C2CD3: variants seen among roughly 807,000 people sequenced by gnomAD.
The protein encoded by C2CD3 is C2 domain containing 3 centriole elongation regulator.
In C2CD3, 148 loss-of-function variants were observed where a neutral mutation model predicts 234.0. The observed-to-expected ratio is 0.63, with a 90% CI of 0.55 to 0.72. The LOEUF is 0.72. Ranked by LOEUF, C2CD3 falls within the 30% of genes least tolerant of loss-of-function variation. The pLI is 0.00. For synonymous variants in C2CD3, 1,000 were observed against 1,035.4 expected, an observed-to-expected ratio of 0.97 and a Z score of 0.66; for missense variants, 2,577 against 2,811.5, an observed-to-expected ratio of 0.92 and a Z score of 1.89.
At chr11:74,082,830 T>C (rs531739512) in intron 22 of C2CD3, among the ~76,000 whole-genome samples, 1 of 152,244 alleles carries the variant, frequency 6.6e-6, no homozygotes, top group East Asian at 1.9e-4. Flanking sequence ...TGCTCATGGA[T>C]AGGAAGAATC....
chr11:74,049,655 A>C, intron 26 of C2CD3, 113 bp from the exon 27 acceptor site: 1 of 764,238 alleles, frequency 1.3e-6, no homozygotes, highest in East Asian at 2.7e-5. Flanking sequence ...AGTGATCCCA[A>C]AGCCATCAGA....
intron 15 of C2CD3, among the ~76,000 whole-genome samples, chr11:74,099,667 C>T (rs140560918): frequency 0.046 from 6,993 of 152,076 alleles, 511 homozygotes; most frequent in African/African-American, 0.16. Flanking sequence ...GAGGCTGAGG[C>T]GGGCGGATCA....
intron 26 of C2CD3, 87 bp downstream of exon 26, chr11:74,054,507 GAAAAAAAAAAAAA>G (rs869085401): frequency 4.7e-5 from 13 of 275,622 alleles, no homozygotes; most frequent in East Asian, 3.5e-4. Context: ...ACTTGGTTTG[GAAAAAAAAAAAAA>G]AAAAAAAAAA....
chr11:74,028,089 C>T (rs1952376860), intron 32 of C2CD3, among the ~76,000 whole-genome samples, 198 bp downstream of exon 32: 1 of 152,156 alleles, frequency 6.6e-6, no homozygotes, highest in Non-Finnish European at 1.5e-5. Flanking sequence ...CCTGCTCTTG[C>T]ATATTTGCTC....
In C2CD3 at chr11:74,013,230, C is replaced by T. The variant is rs1027592407; in HGVS notation, c.*155G>A. The T allele has an allele frequency of 1.0e-5, 4 of 399,410 alleles. No homozygotes were observed. The East Asian group carries it at 1.1e-4, about 11-fold the overall frequency. The allele number at this position is 399,410 out of a possible 1,614,324, so 24.7% of individuals were successfully genotyped here. A position where few individuals can be genotyped will look rare whatever the true frequency, so the allele number is the denominator to read the frequency against. ...GTTTGGGGCACTCCTCCAGTCTGGG[C>T]TGACCGGGTCTCTTGAGGCATCCGT... On this transcript the variant is annotated 3_prime_UTR_variant, in exon 33 of 33. Coordinates refer to ENST00000334126, the MANE Select transcript of C2CD3 (RefSeq NM_001286577.2).
Position 74,138,867 on chromosome 11 carries a change from C to T in C2CD3, c.808G>A (p.Val270Ile). 3.1e-6 allele frequency: 5 copies of T among 1,613,314 alleles called. No homozygotes were observed. Among genetic ancestry groups the T allele is most frequent in the South Asian group, 1.1e-5 (1 of 91,066 alleles). Residue 270 changes from valine (V) to isoleucine (I), a missense_variant, in exon 5 of 33, where the codon GTA becomes ATA. Val to Ile is a conservative substitution (Grantham distance 29, BLOSUM62 3). Coordinates refer to ENST00000334126, the MANE Select transcript of C2CD3 (RefSeq NM_001286577.2). ...CGTGGAGCTCTGCCTTTCAGAGTTA[C>T]AGACTCTAAACTCTGTCCTGAATTA... Reference protein sequence around the residue: ...SLNSGQSLESVTLKGRAPRKQ... With the variant: ...SLNSGQSLESITLKGRAPRKQ...
At chr11:74,134,016 G>A (rs1957774075) in intron 5 of C2CD3, among the ~76,000 whole-genome samples, 1 of 152,032 alleles carries the variant, frequency 6.6e-6, no homozygotes, top group Non-Finnish European at 1.5e-5. Context: ...CCGACTTTCT[G>A]ATAGGTAAAA....
intron 22 of C2CD3, among the ~76,000 whole-genome samples, chr11:74,081,300 G>A (rs1399385505): frequency 6.6e-6 from 1 of 152,166 alleles, no homozygotes; most frequent in East Asian, 1.9e-4. Context: ...GATGGGATCA[G>A]TATTTCCAGA....
chr11:74,117,086 GAATA>G lies in C2CD3; in HGVS notation c.1520+1138_1520+1141del, dbSNP rs1957013759. Among the ~76,000 whole-genome samples, 4 of 50,988 alleles carry G rather than the reference GAATA, an allele frequency of 7.8e-5. 1 individual carries two copies. Among genetic ancestry groups the G allele is most frequent in the African/African-American group, 1.7e-4 (2 of 11,446 alleles). 33.5% of individuals were successfully genotyped at this position (50,988 alleles called of 152,430 possible). Reference sequence around the variant, plus strand: ...AATATATATATATGAATATATATATGAATATATATATATGAATATATATATATGA... The same window carrying G: ...AATATATATATATGAATATATATATGTATATATATGAATATATATATATGA... On this transcript the variant is annotated intron_variant, in intron 9 of 32. Coordinates refer to ENST00000334126, the MANE Select transcript of C2CD3 (RefSeq NM_001286577.2).
At chr11:74,032,928 T>A (rs1952581984) in intron 31 of C2CD3, among the ~76,000 whole-genome samples, 1 of 151,722 alleles carries the variant, frequency 6.6e-6, no homozygotes, top group Non-Finnish European at 1.5e-5. Context: ...AAAATAGGGA[T>A]GATACCTACC....
At position 74,085,617 on chromosome 11, in the gene C2CD3, C is replaced by A; in HGVS notation, c.3910+1G>T. On this transcript the variant is annotated splice_donor_variant, in intron 21 of 32. Transcript: ENST00000334126. LOFTEE classifies it high-confidence loss of function. Reference sequence around the variant, plus strand: ...ATTGTGACAAGTCATATGGTGCTCACCTGACTTGGTATTTTCATGATAGAC... The same window carrying A: ...ATTGTGACAAGTCATATGGTGCTCAACTGACTTGGTATTTTCATGATAGAC... 1 of 1,614,012 alleles carries A rather than the reference C, an allele frequency of 6.2e-7. No individual in the cohort carries two copies. The highest frequency in any genetic ancestry group is 1.1e-5 in the South Asian group (1 of 91,066).
At chr11:74,099,120 A>T (rs1956217967) in intron 15 of C2CD3, among the ~76,000 whole-genome samples, 2 of 152,204 alleles carry the variant, frequency 1.3e-5, no homozygotes, top group African/African-American at 4.8e-5. Flanking sequence ...GGGTAACACT[A>T]GACCAAACTA....
chr11:74,097,699 C>T (rs1413689033), intron 16 of C2CD3, among the ~76,000 whole-genome samples: 2 of 152,204 alleles, frequency 1.3e-5, no homozygotes, highest in Non-Finnish European at 2.9e-5. Context: ...TGCTGGCTTA[C>T]ATTTGGGATC....
rs370958538 is a variant in C2CD3, at chr11:74,037,649, G to C, written c.5710C>G (p.Leu1904Val). Residue 1904 changes from leucine (L) to valine (V), a missense_variant, in exon 30 of 33, where the codon CTC (leucine) becomes GTC (valine). Physicochemically the swap from Leu to Val is conservative, Grantham distance 32 (BLOSUM62 1). Transcript: ENST00000334126. ...CTGAGGGGTAGGAAAGGCTTGGTGA[G>C]CTTCTGGCGGAAGTACCTCTGAATC... ...DQIQRYFRQK[L>V]TKPFLPLSPQ... is the part of the protein sequence containing the mutation. The C allele has an allele frequency of 8.7e-6, 14 of 1,613,996 alleles. No individual in the cohort carries two copies. The East Asian group carries it at 1.1e-4, about 13-fold the overall frequency.
chr11:74,079,223 G>C (rs1591410466), intron 22 of C2CD3, among the ~76,000 whole-genome samples: 1 of 152,150 alleles, frequency 6.6e-6, no homozygotes, highest in East Asian at 1.9e-4. Flanking sequence ...ACATACCAAG[G>C]ACCAGGTGCT....
intron 32 of C2CD3, among the ~76,000 whole-genome samples, chr11:74,020,338 C>T (rs565681864): frequency 1.3e-5 from 2 of 152,370 alleles, no homozygotes; most frequent in East Asian, 3.9e-4. Flanking sequence ...GTACCTTCTG[C>T]TGTCCAACTT....
At chr11:74,116,518 C>G (rs1306219028) in intron 9 of C2CD3, among the ~76,000 whole-genome samples, 1 of 151,796 alleles carries the variant, frequency 6.6e-6, no homozygotes, top group African/African-American at 2.4e-5. Context: ...CACTATTACA[C>G]TGCTGGTGGG....
Position 74,057,549 on chromosome 11 carries a change from A to G in C2CD3, c.4952-5T>C, listed in dbSNP as rs778421774. On this transcript the variant is annotated splice_polypyrimidine_tract_variant and splice_region_variant and intron_variant, in intron 24 of 32. Coordinates refer to ENST00000334126, the MANE Select transcript of C2CD3 (RefSeq NM_001286577.2). Reference sequence around the variant, plus strand: ...TCCGCTCTGTCAAGGGGCTCCCTGAAATAGAATAAAGTGCAGTGACTGTAC... The same window carrying G: ...TCCGCTCTGTCAAGGGGCTCCCTGAGATAGAATAAAGTGCAGTGACTGTAC... 1.2e-6 allele frequency: 2 copies of G among 1,614,110 alleles called. No individual in the cohort carries two copies. Among genetic ancestry groups the G allele is most frequent in the South Asian group, 2.2e-5 (2 of 91,076 alleles).
At chr11:74,091,535 C>A (rs2135482548) in intron 19 of C2CD3, among the ~76,000 whole-genome samples, 1 of 152,288 alleles carries the variant, frequency 6.6e-6, no homozygotes, top group East Asian at 1.9e-4. Context: ...ATATAGGAGG[C>A]TAAACTTCGT....
Sources: gnomAD v4.1 joint callset for allele counts (sites outside exome capture counted in the v4.1 genomes callset) on GRCh38, gnomAD v4.1.1 for gene constraint, MANE v1.5 for transcripts, NCBI Gene and HGNC (gene_info 2026-07-23, HGNC 2026-07-21) for gene names.